ZNF331: variants seen among roughly 807,000 people sequenced by gnomAD.
ZNF331 encodes C2H2-like zinc finger protein rearranged in thyroid adenomas.
In ZNF331, 2 loss-of-function variants were observed where a neutral mutation model predicts 7.0. The ratio of observed to expected loss-of-function variants is 0.29; its 90% CI spans 0.12 to 0.90. The LOEUF is 0.90. Ranked by LOEUF, ZNF331 falls within the 40% of genes least tolerant of loss-of-function variation. The pLI is 0.58. For missense variants in ZNF331, 432 were observed against 587.7 expected, an observed-to-expected ratio of 0.74 and a Z score of 2.74; for synonymous variants, 196 against 205.4, an observed-to-expected ratio of 0.95 and a Z score of 0.39.
chr19:53,527,222 A>T (rs190199079), intron 2 of ZNF331, among the ~76,000 whole-genome samples: 11 of 152,258 alleles, frequency 7.2e-5, no homozygotes, highest in Admixed American at 1.3e-4. Context: ...TCCTGAATTT[A>T]AAAAAATGAT....
chr19:53,564,071 A>T (rs8107447), intron 3 of ZNF331, among the ~76,000 whole-genome samples: 1 of 109,966 alleles, frequency 9.1e-6, no homozygotes. Context: ...CAGAGCCTGC[A>T]TTCTTTTTTT....
At chr19:53,523,256 T>TC (rs1342313898) in intron 2 of ZNF331, 1 of 151,930 alleles carries the variant, frequency 6.6e-6, no homozygotes, top group Non-Finnish European at 1.5e-5. Flanking sequence ...TTTGCCCTTG[T>TC]CCCCCAGGCT....
intron 2 of ZNF331, among the ~76,000 whole-genome samples, chr19:53,553,476 C>G (rs975977649): frequency 6.6e-6 from 1 of 152,122 alleles, no homozygotes; most frequent in South Asian, 2.1e-4. Context: ...ACGGTTGTAT[C>G]AATTTAAAAG....
chr19:53,532,475 C>T, intron 2 of ZNF331, among the ~76,000 whole-genome samples: 1 of 152,202 alleles, frequency 6.6e-6, no homozygotes, highest in Admixed American at 6.5e-5. Context: ...TTTCTTTACC[C>T]ATTCCTCTAC....
chr19:53,571,460 T>C lies in ZNF331; in HGVS notation c.10-144T>C, dbSNP rs1290791581. The C allele has an allele frequency of 1.0e-6, 1 of 955,644 alleles. No individual in the cohort carries two copies. Among genetic ancestry groups the C allele is most frequent in the Non-Finnish European group, 1.6e-6 (1 of 629,838 alleles). The allele number at this position is 955,644 out of a possible 1,614,324, so 59.2% of individuals were successfully genotyped here. ...CATTCTGCTTCCGTCACAGTTACAG[T>C]GATGTCCTTACCGCCCCTTGCCGAT... is the stretch of plus-strand genomic sequence containing the variant. On this transcript the variant is annotated intron_variant, in intron 4 of 5. Coordinates refer to ENST00000449416, the MANE Select transcript of ZNF331 (RefSeq NM_001079906.2). This position sits in a 1 kb window ranked among gnomAD's most constrained non-coding sequence, Gnocchi z 4.7.
upstream of ZNF331, among the ~76,000 whole-genome samples, chr19:53,514,902 G>T (rs932317318): frequency 8.6e-4 from 131 of 152,126 alleles, no homozygotes; most frequent in African/African-American, 3.0e-3. Flanking sequence ...CACCCGCTTC[G>T]GCCTCCCAAA....
chr19:53,523,233 ATTTTTTTTTTC>A (rs906574435), intron 2 of ZNF331: 12 of 146,632 alleles, frequency 8.2e-5, no homozygotes, highest in African/African-American at 1.8e-4. Flanking sequence ...TTTTTTTTTT[ATTTTTTTTTTC>A]TTTTGCCCTT....
the ZNF331 span, among the ~76,000 whole-genome samples, chr19:53,514,428 T>C: frequency 6.6e-6 from 1 of 152,014 alleles, no homozygotes; most frequent in African/African-American, 2.4e-5. Flanking sequence ...CTCAAACTCC[T>C]GACCTCAGGT....
chr19:53,506,434 CT>C, the ZNF331 span, among the ~76,000 whole-genome samples: 1 of 73,164 alleles, frequency 1.4e-5, no homozygotes, highest in Non-Finnish European at 2.9e-5. Context: ...CTCTCTCTCT[CT>C]CTCTCTCTGT....
intron 2 of ZNF331, among the ~76,000 whole-genome samples, chr19:53,555,073 G>A (rs1266313099): frequency 1.3e-5 from 2 of 152,212 alleles, no homozygotes; most frequent in Non-Finnish European, 2.9e-5. Flanking sequence ...ATCAGTGCAG[G>A]CTTGTGCTGG....
chr19:53,569,913 C>G (rs2090352979), intron 4 of ZNF331, among the ~76,000 whole-genome samples: 1 of 152,126 alleles, frequency 6.6e-6, no homozygotes, highest in Admixed American at 6.6e-5. Context: ...GAATGGATCT[C>G]TCAGACCACA....
intron 3 of ZNF331, among the ~76,000 whole-genome samples, chr19:53,568,017 A>G (rs374232383): frequency 1.3e-5 from 2 of 152,074 alleles, no homozygotes; most frequent in Non-Finnish European, 2.9e-5. Context: ...TTGGGAGGAC[A>G]AGGAGGGCAG....
At chr19:53,508,882 T>C in the ZNF331 span, among the ~76,000 whole-genome samples, 1 of 152,036 alleles carries the variant, frequency 6.6e-6, no homozygotes, top group Non-Finnish European at 1.5e-5. Context: ...AAGATGAAAT[T>C]ATAGGTACCA....
chr19:53,564,274 A>T (rs529119820), intron 3 of ZNF331, among the ~76,000 whole-genome samples: 166 of 150,964 alleles, frequency 1.1e-3, no homozygotes, highest in Non-Finnish European at 2.1e-3. Context: ...GTACCTTTTT[A>T]TTTTATTTTA....
At chr19:53,541,964 T>C (rs1410899007) in intron 2 of ZNF331, among the ~76,000 whole-genome samples, 1 of 151,680 alleles carries the variant, frequency 6.6e-6, no homozygotes, top group East Asian at 1.9e-4. Flanking sequence ...AGTGAGCCAT[T>C]GCACTCTAGC....
At chr19:53,510,661 G>A in the ZNF331 span, among the ~76,000 whole-genome samples, 2 of 151,832 alleles carry the variant, frequency 1.3e-5, no homozygotes, top group South Asian at 2.1e-4. Context: ...ATTCTTATTT[G>A]TGTTTTCACC....
rs538412636 is a variant in ZNF331, at chr19:53,565,104, G to C, written c.-73-4200G>C. Reference sequence around the variant, plus strand: ...CTATTCGTACTTGGAATGAGAGTCTGATTCAGTGGACTCAGCTGCTGCCTG... The same window carrying C: ...CTATTCGTACTTGGAATGAGAGTCTCATTCAGTGGACTCAGCTGCTGCCTG... On this transcript the variant is annotated intron_variant, in intron 3 of 5. Transcript: ENST00000449416. 5.3e-5 allele frequency among the ~76,000 whole-genome samples: 8 copies of C among 152,288 alleles called. No homozygotes were observed. The South Asian group carries it at 1.5e-3, about 28-fold the overall frequency.
intron 3 of ZNF331, 110 bp from the exon 4 acceptor site, chr19:53,569,194 G>A (rs373292558): frequency 1.5e-5 from 9 of 608,706 alleles, no homozygotes; most frequent in East Asian, 5.6e-5. Flanking sequence ...GATATGTCAC[G>A]GTTATGTGTT....
At chr19:53,561,529 ATG>A (rs1212285261) in intron 3 of ZNF331, among the ~76,000 whole-genome samples, 1 of 152,108 alleles carries the variant, frequency 6.6e-6, no homozygotes, top group Non-Finnish European at 1.5e-5. Flanking sequence ...CTAATTAATC[ATG>A]TGACTACTCC....
Sources: gnomAD v4.1 joint callset for allele counts (sites outside exome capture counted in the v4.1 genomes callset) on GRCh38, gnomAD v4.1.1 for gene constraint, Gnocchi (gnomAD v3.1) non-coding constraint, MANE v1.5 for transcripts, NCBI Gene and HGNC (gene_info 2026-07-23, HGNC 2026-07-21) for gene names.